The following ATAD3A variants were observed in gnomAD, a reference collection of about 807,000 sequenced individuals.
The protein encoded by ATAD3A is ATPase family AAA domain containing 3A.
A neutral mutation model predicts 73.8 loss-of-function variants in ATAD3A; 46 were observed. The observed-to-expected ratio is 0.62, with a 90% CI of 0.49 to 0.80. The LOEUF is 0.80. Among genes scored for constraint, ATAD3A ranks in the 30% least tolerant of loss-of-function variants. The pLI, the probability that ATAD3A is intolerant of heterozygous loss-of-function variation, is 0.00. For synonymous variants in ATAD3A, 319 were observed against 350.0 expected (o/e 0.91, Z 0.99); for missense variants, 705 against 838.0 (o/e 0.84, Z 1.96).
chr1:1,523,074 T>A lies in ATAD3A; in HGVS notation c.906+175T>A, dbSNP rs1401126709. ...TGGCGCTGTACCTTAGGGGTCTGCA[T>A]CAGTGAGACCCTTCCCCTGTCTGCC... On this transcript the variant is annotated intron_variant, in intron 8 of 15. Transcript: ENST00000378756. This position sits in a 1 kb window ranked among gnomAD's most constrained non-coding sequence, Gnocchi z 5.1. Among the ~76,000 whole-genome samples the A allele has an allele frequency of 1.2e-3, 173 of 147,294 alleles. No homozygotes were observed. The highest frequency in any genetic ancestry group is 5.3e-3 in the East Asian group (25 of 4,732).
intron 12 of ATAD3A, 69 bp downstream of exon 12, chr1:1,525,360 C>T: frequency 6.3e-7 from 1 of 1,579,412 alleles, no homozygotes; most frequent in South Asian, 1.1e-5. Flanking sequence ...CTGGGCCAGG[C>T]TGCAGCCCTC....
intron 4 of ATAD3A, 64 bp from the exon 5 acceptor site, chr1:1,518,857 C>T (rs1324045239): frequency 1.2e-6 from 2 of 1,613,426 alleles, no homozygotes; most frequent in African/African-American, 1.3e-5. Flanking sequence ...CAGTCATCCC[C>T]CGCACACATG....
At position 1,516,180 on chromosome 1, in the gene ATAD3A, G is replaced by A. The variant is rs556826014; in HGVS notation, c.282+92G>A. 1.2e-5 allele frequency: 19 copies of A among 1,581,834 alleles called. No individual in the cohort carries two copies. In the Admixed American group the frequency reaches 3.4e-4, roughly 28 times the overall value. ...GGCTACTGCCGGTGGGTAGGGCCGG[G>A]GGTGTGTACATGGGCAGCAGTGGGG... On this transcript the variant is annotated intron_variant, in intron 2 of 15. Transcript: ENST00000378756.
chr1:1,523,495 C>G lies in ATAD3A; in HGVS notation c.907-16C>G, dbSNP rs1214772900. On this transcript the variant is annotated splice_polypyrimidine_tract_variant and intron_variant, in intron 8 of 15. Coordinates refer to ENST00000378756, the MANE Select transcript of ATAD3A (RefSeq NM_001170535.3). This position sits in a 1 kb window ranked among gnomAD's most constrained non-coding sequence, Gnocchi z 5.1. ...TGGCAGGTGACCCGATGGCGCTTCC[C>G]CTTCCCCTCCGGCAGGTCAGCCGGC... 1 of 1,610,590 alleles carries G rather than the reference C, an allele frequency of 6.2e-7. No individual in the cohort carries two copies. The highest frequency in any genetic ancestry group is 1.7e-5 in the Admixed American group (1 of 59,810).
At chr1:1,516,973 A>T in intron 2 of ATAD3A, 1 of 1,099,262 alleles carries the variant, frequency 9.1e-7, no homozygotes, top group Admixed American at 2.9e-5. Flanking sequence ...TGGCCTCCCA[A>T]AGTGCTGGGA....
chr1:1,524,712 A>G (rs1376954729), intron 11 of ATAD3A, among the ~76,000 whole-genome samples: 1 of 138,708 alleles, frequency 7.2e-6, no homozygotes, highest in African/African-American at 3.2e-5. Flanking sequence ...CCTCCCCCCA[A>G]CACGCCTGCA....
intron 4 of ATAD3A, among the ~76,000 whole-genome samples, chr1:1,518,348 C>T (rs998260094): frequency 6.4e-5 from 9 of 141,336 alleles, no homozygotes; most frequent in East Asian, 2.2e-4. Context: ...CCCGCGCACT[C>T]GGGCACACAC....
At position 1,524,248 on chromosome 1, in the gene ATAD3A, G is replaced by A. The variant is rs373139636; in HGVS notation, c.1090-25G>A. The A allele has an allele frequency of 3.1e-6, 5 of 1,613,748 alleles. No individual in the cohort carries two copies. The African/African-American group carries it at 6.7e-5, about 22-fold the overall frequency. ...CAGAGGCGGAGGGAACATCTGCTCT[G>A]TCTCCCCTCACTCTTCCTGTCCAGA... On this transcript the variant is annotated intron_variant, in intron 10 of 15. Coordinates refer to ENST00000378756, the MANE Select transcript of ATAD3A (RefSeq NM_001170535.3).
At chr1:1,515,732 G>A (rs1641333415) in intron 1 of ATAD3A, among the ~76,000 whole-genome samples, 1 of 152,194 alleles carries the variant, frequency 6.6e-6, no homozygotes, top group Admixed American at 6.5e-5. Context: ...TGTTGAATTG[G>A]GAAAGAGCCT....
At chr1:1,521,155 C>T (rs1373446669) in intron 7 of ATAD3A, among the ~76,000 whole-genome samples, 1 of 151,644 alleles carries the variant, frequency 6.6e-6, no homozygotes, top group Admixed American at 6.6e-5. Flanking sequence ...AAAAATTAGC[C>T]GGGCGCAGTG....
chr1:1,527,920 A>C, intron 14 of ATAD3A, 58 bp downstream of exon 14: 4 of 1,515,082 alleles, frequency 2.6e-6, no homozygotes, highest in African/African-American at 1.4e-5. Flanking sequence ...GTCCACCCCG[A>C]CCCACAGTCC....
chr1:1,526,660 C>T, intron 13 of ATAD3A, 129 bp downstream of exon 13: 1 of 1,537,216 alleles, frequency 6.5e-7, no homozygotes, highest in Non-Finnish European at 8.7e-7. Context: ...AACATGCCCA[C>T]CTCGGATGTC....
chr1:1,533,683 A>G lies in ATAD3A; in HGVS notation c.1615-243A>G, dbSNP rs543638151. ...AGTGAGGCTCCGCCTTGGGCTTTCTATTATTAGAAAGTCATTGAGCAACAG... is the reference window on the plus strand; with the variant it reads ...AGTGAGGCTCCGCCTTGGGCTTTCTGTTATTAGAAAGTCATTGAGCAACAG... On this transcript the variant is annotated intron_variant, in intron 15 of 15. Transcript: ENST00000378756. Among the ~76,000 whole-genome samples the G allele has an allele frequency of 3.8e-4, 58 of 151,832 alleles. 1 individual carries two copies. The South Asian group carries it at 0.012, about 30-fold the overall frequency.
At chr1:1,518,687 A>ACACACC (rs1641473569) in intron 4 of ATAD3A, among the ~76,000 whole-genome samples, 2 of 78,100 alleles carry the variant, frequency 2.6e-5, no homozygotes, top group African/African-American at 1.2e-4. Context: ...ACACACACAC[A>ACACACC]CACCCAAACG....
intron 14 of ATAD3A, 90 bp downstream of exon 14, chr1:1,527,952 A>AC: frequency 3.0e-6 from 4 of 1,350,128 alleles, no homozygotes; most frequent in Admixed American, 5.1e-5. Flanking sequence ...CAAACCTTTA[A>AC]CATTCCTTTT....
At position 1,523,586 on chromosome 1, in the gene ATAD3A, G is replaced by A. The variant is rs773845070; in HGVS notation, c.963+19G>A. On this transcript the variant is annotated intron_variant, in intron 9 of 15. Transcript: ENST00000378756. This position sits in a 1 kb window ranked among gnomAD's most constrained non-coding sequence, Gnocchi z 5.1. ...GCTCAGTGTAAGTCGGTGTGCCTGG[G>A]ACCGGGGAGGCGCAGGGAGGGGACC... is the stretch of plus-strand genomic sequence containing the variant. 54 of 1,612,542 alleles carry A rather than the reference G, an allele frequency of 3.3e-5. No individual in the cohort carries two copies. In the East Asian group the frequency reaches 1.2e-3, roughly 36 times the overall value.
rs772764142 is a variant in ATAD3A, at chr1:1,520,580, G to T, written c.713G>T (p.Arg238Leu). The T allele has an allele frequency of 1.2e-6, 2 of 1,613,832 alleles. No homozygotes were observed. Among genetic ancestry groups the T allele is most frequent in the South Asian group, 2.2e-5 (2 of 91,058 alleles). Reference sequence around the variant, plus strand: ...GGCACCTTGTTTGGGGAAGGATTCCGTGCCTTTGTGACAGACTGGGACAAA... The same window carrying T: ...GGCACCTTGTTTGGGGAAGGATTCCTTGCCTTTGTGACAGACTGGGACAAA... ...TAGTLFGEGF[R>L]AFVTDWDKVT... is the part of the protein sequence containing the mutation. The change falls in exon 7 of 16, where the codon CGT (arginine) becomes CTT (leucine). Residue 238 changes from arginine (R) to leucine (L), a missense_variant. Physicochemically the swap from Arg to Leu is moderately radical, Grantham distance 102. Around this residue, in one of 5 missense-constraint regions of ATAD3A, gnomAD observed 315 missense variants for 334.1 expected, o/e 0.94. Transcript: ENST00000378756. This position sits in a 1 kb window ranked among gnomAD's most constrained non-coding sequence, Gnocchi z 4.0.
chr1:1,522,785 C>T lies in ATAD3A; in HGVS notation c.792C>T (p.Ala264=), dbSNP rs142477467. 5.8e-4 allele frequency: 935 copies of T among 1,611,554 alleles called. 5 individuals carry two copies. In the Middle Eastern group the frequency reaches 0.011, roughly 19 times the overall value. Residue 264 remains alanine, a synonymous_variant, in exon 8 of 16, where the codon GCC becomes GCT. Coordinates refer to ENST00000378756, the MANE Select transcript of ATAD3A (RefSeq NM_001170535.3). The part of the protein sequence containing the change: ...LTLLAVGVYS[A]KNATLVAGRF... ...TGCTGGCTGTTGGGGTCTACTCAGC[C>T]AAGAATGCCACGCTTGTCGCCGGCC...
At chr1:1,526,671 C>G in intron 13 of ATAD3A, 140 bp downstream of exon 13, 4 of 1,522,630 alleles carry the variant, frequency 2.6e-6, no homozygotes, top group Non-Finnish European at 3.5e-6. Context: ...CTCGGATGTC[C>G]CCTGGGAACG....
Sources: gnomAD v4.1 joint callset for allele counts (sites outside exome capture counted in the v4.1 genomes callset) on GRCh38, gnomAD v4.1.1 for gene constraint, gnomAD v4.1.1 regional missense constraint, Gnocchi (gnomAD v3.1) non-coding constraint, MANE v1.5 for transcripts, NCBI Gene and HGNC (gene_info 2026-07-23, HGNC 2026-07-21) for gene names.